The following HYKK variants were observed in gnomAD, a reference collection of about 807,000 sequenced individuals.
HYKK encodes the protein 5-hydroxy-L-lysine kinase.
HYKK carries 19 observed loss-of-function variants against 29.7 expected under a neutral mutation model. The ratio of observed to expected loss-of-function variants is 0.64; its 90% confidence interval spans 0.45 to 0.94. The LOEUF (loss-of-function observed/expected upper bound fraction) is 0.94. Among genes scored for constraint, HYKK ranks in the 40% least tolerant of loss-of-function variants. The probability of loss-of-function intolerance (pLI) is 0.00; values close to 1 mark genes in which losing one functional copy is unlikely to be tolerated. For missense variants in HYKK, 390 were observed against 443.4 expected (o/e 0.88, Z 1.08); for synonymous variants, 152 against 158.1 (o/e 0.96, Z 0.29).
intron 3 of HYKK, 109 bp downstream of exon 3, chr15:78,515,216 G>C: frequency 1.2e-5 from 9 of 776,314 alleles, no homozygotes; most frequent in Non-Finnish European, 1.7e-5. Flanking sequence ...TGCTACCTAA[G>C]GTATGTTATG....
intron 3 of HYKK, among the ~76,000 whole-genome samples, chr15:78,516,654 G>A (rs1348954479): frequency 6.6e-6 from 1 of 152,042 alleles, no homozygotes; most frequent in Non-Finnish European, 1.5e-5. Context: ...GCCTAGCCAG[G>A]GGATTGGTCT....
intron 1 of HYKK, among the ~76,000 whole-genome samples, chr15:78,512,443 CCA>C (rs2052083772): frequency 6.9e-6 from 1 of 145,564 alleles, no homozygotes; most frequent in Non-Finnish European, 1.5e-5. Flanking sequence ...GCCCTGTTGC[CCA>C]GGCTAGAGTG....
At chr15:78,536,831 T>C (rs1405507145), downstream of HYKK, among the ~76,000 whole-genome samples, 1 of 152,322 alleles carries the variant, frequency 6.6e-6, no homozygotes, top group East Asian at 1.9e-4. Context: ...GGCATTTGAA[T>C]CAGTAGCTGA....
rs745691333 is a variant in HYKK, at chr15:78,515,113, A to G, written c.477+6A>G. On this transcript the variant is annotated splice_donor_region_variant and intron_variant, in intron 3 of 4. Transcript: ENST00000388988. ...AATTGGATAAGACACTGCAGGTAAG[A>G]TTTGGGGCTTTATTTTATTCTAAGG... 1 of 1,547,352 alleles carries G rather than the reference A, an allele frequency of 6.5e-7. No individual in the cohort carries two copies. Among genetic ancestry groups the G allele is most frequent in the Non-Finnish European group, 8.7e-7 (1 of 1,149,050 alleles).
At chr15:78,524,823 AAAC>A (rs923227376) in intron 3 of HYKK, among the ~76,000 whole-genome samples, 1 of 152,072 alleles carries the variant, frequency 6.6e-6, no homozygotes, top group Non-Finnish European at 1.5e-5. Flanking sequence ...ACAAACAAAC[AAAC>A]AACAACAACA....
intron 4 of HYKK, among the ~76,000 whole-genome samples, chr15:78,530,200 A>T (rs112115980): frequency 3.2e-4 from 43 of 135,254 alleles, no homozygotes; most frequent in African/African-American, 1.1e-3. Context: ...TTATTTATTT[A>T]TTTTTTTTTT....
intron 4 of HYKK, among the ~76,000 whole-genome samples, chr15:78,531,097 A>G (rs2141364688): frequency 6.6e-6 from 1 of 152,246 alleles, no homozygotes; most frequent in Middle Eastern, 3.4e-3. Context: ...TCCTGGCCTC[A>G]AGTGATCCGC....
chr15:78,520,187 A>AG (rs1231034301), intron 3 of HYKK, among the ~76,000 whole-genome samples: 2 of 152,070 alleles, frequency 1.3e-5, no homozygotes, highest in Non-Finnish European at 2.9e-5. Flanking sequence ...CCCCTCACCC[A>AG]GTCTCACCCC....
At chr15:78,512,781 TA>T (rs2052087660) in intron 1 of HYKK, among the ~76,000 whole-genome samples, 1 of 152,108 alleles carries the variant, frequency 6.6e-6, no homozygotes, top group African/African-American at 2.4e-5. Flanking sequence ...ATTTCCCCTA[TA>T]AAATTAATGG....
intron 3 of HYKK, among the ~76,000 whole-genome samples, chr15:78,519,425 T>A (rs2052168623): frequency 6.6e-6 from 1 of 152,230 alleles, no homozygotes. Context: ...CTAATTAATA[T>A]ATTTTTAGGA....
chr15:78,536,139 C>T lies in HYKK; in HGVS notation c.*2469C>T, dbSNP rs546500576. On this transcript the variant is annotated 3_prime_UTR_variant, in exon 5 of 5. Transcript: ENST00000388988. ...TGTGGGAAGTACTGTTATAATTAAT[C>T]GTCATTTTCAGATAAGAAAATAGCA... is the stretch of plus-strand genomic sequence containing the variant. 24 of 152,248 alleles carry T rather than the reference C, an allele frequency of 1.6e-4. No homozygotes were observed. Among genetic ancestry groups the T allele is most frequent in the African/African-American group, 5.1e-4 (21 of 41,500 alleles). The allele number at this position is 152,248 out of a possible 1,614,324, so 9.4% of individuals were successfully genotyped here.
chr15:78,528,370 A>T, intron 4 of HYKK: 1 of 965,246 alleles, frequency 1.0e-6, no homozygotes, highest in Non-Finnish European at 1.2e-6. Context: ...TCTTCCATGA[A>T]ACCAGTCCCT....
chr15:78,510,273 C>T (rs2052060284), intron 1 of HYKK, among the ~76,000 whole-genome samples: 1 of 152,060 alleles, frequency 6.6e-6, no homozygotes, highest in African/African-American at 2.4e-5. Flanking sequence ...ACCTCCACCC[C>T]TCTGGGTTCC....
intron 3 of HYKK, among the ~76,000 whole-genome samples, chr15:78,519,826 C>G (rs2052173818): frequency 6.6e-6 from 1 of 152,194 alleles, no homozygotes; most frequent in Non-Finnish European, 1.5e-5. Context: ...GTCTGTCTAC[C>G]TTCCTCAGAC....
chr15:78,512,964 T>C, intron 1 of HYKK, 120 bp from the exon 2 acceptor site: 1 of 623,108 alleles, frequency 1.6e-6, no homozygotes, highest in South Asian at 2.1e-5. Context: ...GAGTAAAACT[T>C]AACAATCAAA....
At chr15:78,510,930 T>C (rs1272890048) in intron 1 of HYKK, among the ~76,000 whole-genome samples, 1 of 151,392 alleles carries the variant, frequency 6.6e-6, no homozygotes, top group East Asian at 1.9e-4. Context: ...TCTTCCACTT[T>C]CCACAAAAGC....
intron 3 of HYKK, among the ~76,000 whole-genome samples, chr15:78,523,051 G>T (rs1410035845): frequency 1.3e-5 from 2 of 152,142 alleles, no homozygotes; most frequent in African/African-American, 4.8e-5. Flanking sequence ...CTGCACAAAA[G>T]GAAGAACACA....
intron 3 of HYKK, among the ~76,000 whole-genome samples, chr15:78,515,615 A>G (rs1294440217): frequency 6.8e-6 from 1 of 147,114 alleles, no homozygotes; most frequent in Non-Finnish European, 1.5e-5. Flanking sequence ...TTGAGACAGA[A>G]TCTCGCTCTG....
rs1567022700 is a variant in HYKK at position 78,527,469 on chromosome 15, T to G, written c.567T>G (p.Tyr189Ter). 4 of 1,614,176 alleles carry G rather than the reference T, an allele frequency of 2.5e-6. No homozygotes were observed. The African/African-American group carries it at 5.3e-5, about 22-fold the overall frequency. Residue 189 changes from tyrosine (Y) to a stop codon, truncating the protein, a stop_gained, in exon 4 of 5, where the codon TAT becomes TAG. Transcript: ENST00000388988. LOFTEE classifies it high-confidence loss of function. ...TTCCTCTTCTGGAGAAATACCTGTA[T>G]GCCCTGGGCCAGAATCGAAACCGAG... ...KNVPLLEKYL[Y>*]ALGQNRNREI... is the part of the protein sequence containing the mutation.
Sources: gnomAD v4.1 joint callset for allele counts (sites outside exome capture counted in the v4.1 genomes callset) on GRCh38, gnomAD v4.1.1 for gene constraint, MANE v1.5 for transcripts, NCBI Gene and HGNC (gene_info 2026-07-23, HGNC 2026-07-21) for gene names.